Variants in SV2C observed in about 807,000 individuals in gnomAD.
The protein encoded by SV2C is synaptic vesicle glycoprotein 2C.
In SV2C, 49 loss-of-function variants were observed where a neutral mutation model predicts 79.7. The ratio of observed to expected loss-of-function variants is 0.61; its 90% CI spans 0.49 to 0.78. The LOEUF (loss-of-function observed/expected upper bound fraction) is 0.78, where lower values mean the gene tolerates loss of function less well. SV2C is among the 30% of genes least tolerant of loss of function. The pLI, the probability that SV2C is intolerant of heterozygous loss-of-function variation, is 0.00. For synonymous variants in SV2C, 334 were observed against 333.2 expected, an observed-to-expected ratio of 1.00 and a Z score of -0.03; for missense variants, 833 against 912.9, an observed-to-expected ratio of 0.91 and a Z score of 1.13.
the SV2C span, among the ~76,000 whole-genome samples, chr5:75,867,894 C>A: frequency 2.0e-5 from 3 of 152,130 alleles, no homozygotes; most frequent in Non-Finnish European, 4.4e-5. Context: ...TACTATGTGC[C>A]AGGCACATGC....
At chr5:75,873,803 G>T in the SV2C span, among the ~76,000 whole-genome samples, 1 of 151,952 alleles carries the variant, frequency 6.6e-6, no homozygotes. Context: ...TAAACTAGAA[G>T]AAAGAGACGG....
the SV2C span, among the ~76,000 whole-genome samples, chr5:75,876,946 A>G: frequency 3.9e-5 from 6 of 152,168 alleles, no homozygotes; most frequent in Admixed American, 2.0e-4. Context: ...ATAAATCTAT[A>G]TCAATAACAA....
the SV2C span, among the ~76,000 whole-genome samples, chr5:75,895,558 A>T: frequency 4.6e-5 from 7 of 152,064 alleles, no homozygotes; most frequent in Non-Finnish European, 1.0e-4. Context: ...TAATTCAGAG[A>T]TTAGAGTCGG....
chr5:75,937,879 C>CT, the SV2C span, among the ~76,000 whole-genome samples: 2,058 of 149,968 alleles, frequency 0.014, 35 homozygotes, highest in African/African-American at 0.041. Context: ...AGCATTATCT[C>CT]TTTTTTTTTG....
intron 2 of SV2C, among the ~76,000 whole-genome samples, chr5:76,171,776 G>T (rs1264315998): frequency 9.0e-6 from 1 of 111,550 alleles, no homozygotes; most frequent in Non-Finnish European, 2.0e-5. Context: ...TCAGCCCCCC[G>T]CCCGGCCAGC....
chr5:76,112,156 G>A (rs1353425946), intron 1 of SV2C, among the ~76,000 whole-genome samples: 1 of 152,194 alleles, frequency 6.6e-6, no homozygotes, highest in Non-Finnish European at 1.5e-5. Context: ...GTTTATGATT[G>A]GCAAGGAGAG....
At chr5:75,869,103 C>T in the SV2C span, among the ~76,000 whole-genome samples, 1 of 152,006 alleles carries the variant, frequency 6.6e-6, no homozygotes, top group African/African-American at 2.4e-5. Flanking sequence ...AGGTGGGATA[C>T]AGCACCAAGT....
chr5:76,209,594 A>G, intron 3 of SV2C, 142 bp from the exon 4 acceptor site: 1 of 855,622 alleles, frequency 1.2e-6, no homozygotes, highest in East Asian at 2.9e-5. Context: ...TTACATTGTA[A>G]AATAATAGAA....
At chr5:75,961,238 A>C in the SV2C span, among the ~76,000 whole-genome samples, 636 of 152,064 alleles carry the variant, frequency 4.2e-3, 4 homozygotes, top group African/African-American at 0.014. Flanking sequence ...ATTTTTTTGC[A>C]TATGTCTAGG....
At chr5:75,916,217 T>TTC in the SV2C span, among the ~76,000 whole-genome samples, 87 of 147,712 alleles carry the variant, frequency 5.9e-4, no homozygotes, top group African/African-American at 1.9e-3. Context: ...CCTCCTCCTC[T>TTC]TCCTCCCCTT....
chr5:75,860,179 G>A, the SV2C span, among the ~76,000 whole-genome samples: 1 of 152,136 alleles, frequency 6.6e-6, no homozygotes, highest in Non-Finnish European at 1.5e-5. Flanking sequence ...ACTGACAAAT[G>A]AGTTCAGGAA....
chr5:76,343,895 C>T (rs1749488989), intron 12 of SV2C, among the ~76,000 whole-genome samples: 2 of 152,164 alleles, frequency 1.3e-5, no homozygotes, highest in South Asian at 4.1e-4. Context: ...GTGGCACATT[C>T]CTGTAGTCCC....
chr5:76,252,957 T>C lies in SV2C; in HGVS notation c.914-32205T>C, dbSNP rs911672421. 2.0e-5 allele frequency among the ~76,000 whole-genome samples: 3 copies of C among 152,370 alleles called. No individual in the cohort carries two copies. In the South Asian group the frequency reaches 6.2e-4, roughly 32 times the overall value. Reference sequence around the variant, plus strand: ...ATAAATATCCAATACAACTTTATTTTTTAGTTTAAAAATTATCAAAAATTG... The same window carrying C: ...ATAAATATCCAATACAACTTTATTTCTTAGTTTAAAAATTATCAAAAATTG... On this transcript the variant is annotated intron_variant, in intron 4 of 12. Coordinates refer to ENST00000502798, the MANE Select transcript of SV2C (RefSeq NM_014979.4).
rs374677576 is a variant in SV2C, at chr5:76,301,471, G to T, written c.1926G>T (p.Leu642=). ...CCATGATGATAGGCATGCTGTGTCT[G>T]TACAATGGATTGACCATCTCAGCCT... ...SESMMIGMLC[L]YNGLTISAWN... Residue 642 remains leucine (L), a synonymous_variant, in exon 12 of 13, where the codon CTG becomes CTT. Transcript: ENST00000502798. 2.5e-5 allele frequency: 41 copies of T among 1,614,068 alleles called. No homozygotes were observed. The African/African-American group carries it at 4.9e-4, about 19-fold the overall frequency.
chr5:76,217,886 G>A (rs1266210708), intron 4 of SV2C, among the ~76,000 whole-genome samples: 1 of 152,142 alleles, frequency 6.6e-6, no homozygotes, highest in Non-Finnish European at 1.5e-5. Context: ...TATTCAAGGG[G>A]CATGTACTAT....
chr5:75,928,112 C>A, the SV2C span, among the ~76,000 whole-genome samples: 2 of 152,076 alleles, frequency 1.3e-5, no homozygotes, highest in Admixed American at 1.3e-4. Context: ...ATAAGATTTG[C>A]CATTTTAAAC....
the SV2C span, among the ~76,000 whole-genome samples, chr5:76,003,293 A>T: frequency 6.6e-6 from 1 of 152,152 alleles, no homozygotes; most frequent in Non-Finnish European, 1.5e-5. Context: ...AACACAGACT[A>T]TAAAGATGAG....
At chr5:76,034,919 C>A in the SV2C span, among the ~76,000 whole-genome samples, 5 of 152,148 alleles carry the variant, frequency 3.3e-5, no homozygotes, top group African/African-American at 1.2e-4. Flanking sequence ...TATTGCCACA[C>A]TTTCAGCTCC....
At chr5:76,008,533 A>C in the SV2C span, among the ~76,000 whole-genome samples, 1 of 152,070 alleles carries the variant, frequency 6.6e-6, no homozygotes, top group South Asian at 2.1e-4. Context: ...TTCTTTTTCT[A>C]TCACATTCCA....
Sources: gnomAD v4.1 joint callset for allele counts (sites outside exome capture counted in the v4.1 genomes callset) on GRCh38, gnomAD v4.1.1 for gene constraint, MANE v1.5 for transcripts, NCBI Gene and HGNC (gene_info 2026-07-23, HGNC 2026-07-21) for gene names.